SIMC1: variants seen among roughly 807,000 people sequenced by gnomAD.
The protein encoded by SIMC1 is SUMO-interacting motif-containing protein 1.
SIMC1 carries 55 observed loss-of-function variants against 82.3 expected under a neutral mutation model. The ratio of observed to expected loss-of-function variants is 0.67; its 90% CI spans 0.54 to 0.84. The LOEUF (loss-of-function observed/expected upper bound fraction) is 0.84. SIMC1 is among the 40% of genes least tolerant of loss of function. The pLI, the probability that SIMC1 is intolerant of heterozygous loss-of-function variation, is 0.00. For synonymous variants in SIMC1, 353 were observed against 426.3 expected (o/e 0.83, Z 2.12); for missense variants, 915 against 1,107.2 (o/e 0.83, Z 2.46).
At chr5:176,259,152 A>G (rs1761936907) in intron 1 of SIMC1, among the ~76,000 whole-genome samples, 1 of 152,248 alleles carries the variant, frequency 6.6e-6, no homozygotes, top group Non-Finnish European at 1.5e-5. Flanking sequence ...CATTTGAAAA[A>G]TAAATTTTTC....
At position 176,292,820 on chromosome 5, in the gene SIMC1, C is replaced by T. The variant is rs181904612; in HGVS notation, c.1431+1865C>T. On this transcript the variant is annotated intron_variant, in intron 2 of 9. Transcript: ENST00000429602. ...CCTCCCAAAGTTCTGGGATTACAGGCGTGAGCCACCGCGCCCGGCCCAGAC... is the reference window on the plus strand; with the variant it reads ...CCTCCCAAAGTTCTGGGATTACAGGTGTGAGCCACCGCGCCCGGCCCAGAC... Among the ~76,000 whole-genome samples, 561 of 152,314 alleles carry T rather than the reference C, an allele frequency of 3.7e-3. 3 individuals are homozygous for T. Among genetic ancestry groups the T allele is most frequent in the African/African-American group, 0.013 (534 of 41,576 alleles).
At chr5:176,330,852 C>T (rs1446895785) in intron 7 of SIMC1, among the ~76,000 whole-genome samples, 4 of 152,086 alleles carry the variant, frequency 2.6e-5, no homozygotes, top group Non-Finnish European at 5.9e-5. Flanking sequence ...AGTATGTTCC[C>T]ACAAGATACT....
At chr5:176,311,743 GTAGT>G (rs769445243) in intron 4 of SIMC1, among the ~76,000 whole-genome samples, 25 of 152,206 alleles carry the variant, frequency 1.6e-4, no homozygotes, top group Admixed American at 3.3e-4. Flanking sequence ...TTTACTAAAA[GTAGT>G]TAGTAAACGT....
At chr5:176,310,529 CA>C (rs905790789) in intron 4 of SIMC1, among the ~76,000 whole-genome samples, 1 of 151,808 alleles carries the variant, frequency 6.6e-6, no homozygotes, top group African/African-American at 2.4e-5. Flanking sequence ...TTATGGTGAA[CA>C]AAAAAAGCCA....
chr5:176,343,193 C>T (rs1267765787), intron 9 of SIMC1, among the ~76,000 whole-genome samples: 2 of 152,148 alleles, frequency 1.3e-5, no homozygotes, highest in Admixed American at 6.5e-5. Context: ...CCTGATAAAC[C>T]GCTTAAAATG....
Position 176,290,118 on chromosome 5 carries a change from C to T in SIMC1, c.594C>T (p.Ser198=), listed in dbSNP as rs1390288477. The change falls in exon 2 of 10, where the codon AGC becomes AGT. Residue 198 remains serine (S), a synonymous_variant. Transcript: ENST00000429602. ...TSNNSRSSSS[S]SNQKAPLPCP... The stretch of plus-strand genomic sequence containing the variant: ...ATAATAGTAGGAGCAGCAGCAGCAG[C>T]AGCAATCAAAAAGCACCCTTGCCAT... 4 of 1,604,428 alleles carry T rather than the reference C, an allele frequency of 2.5e-6. No homozygotes were observed. In the South Asian group the frequency reaches 3.3e-5, roughly 13 times the overall value.
chr5:176,336,112 G>A (rs1165113731), intron 7 of SIMC1, among the ~76,000 whole-genome samples: 1 of 151,856 alleles, frequency 6.6e-6, no homozygotes. Context: ...GAGAGAGAGA[G>A]AGAGATTAGA....
intron 1 of SIMC1, among the ~76,000 whole-genome samples, chr5:176,266,049 T>C (rs1762197809): frequency 6.6e-6 from 1 of 152,180 alleles, no homozygotes; most frequent in African/African-American, 2.4e-5. Context: ...TGAAGAGCAA[T>C]GCAGTTGGAT....
chr5:176,254,774 A>G (rs1159092815), intron 1 of SIMC1, among the ~76,000 whole-genome samples: 1 of 152,088 alleles, frequency 6.6e-6, no homozygotes, highest in Non-Finnish European at 1.5e-5. Context: ...CCTGTTATAA[A>G]GAGAGAGCAA....
chr5:176,324,542 T>A (rs1453980631), intron 6 of SIMC1, 87 bp from the exon 7 acceptor site: 2 of 1,389,668 alleles, frequency 1.4e-6, no homozygotes, highest in African/African-American at 2.9e-5. Flanking sequence ...CTACTCTCGA[T>A]GTACACTGGT....
chr5:176,308,118 T>G (rs940591635), intron 4 of SIMC1: 8 of 891,400 alleles, frequency 9.0e-6, no homozygotes, highest in African/African-American at 8.2e-5. Context: ...TCTGACACTT[T>G]CCTTGTTTGT....
chr5:176,341,071 C>G (rs767654101), intron 9 of SIMC1, among the ~76,000 whole-genome samples: 88 of 152,196 alleles, frequency 5.8e-4, no homozygotes, highest in Admixed American at 1.2e-3. Context: ...TGGTTGAACC[C>G]GGGAGGCAGA....
intron 9 of SIMC1, among the ~76,000 whole-genome samples, chr5:176,344,844 T>A (rs1766357192): frequency 6.6e-6 from 1 of 152,232 alleles, no homozygotes; most frequent in Non-Finnish European, 1.5e-5. Context: ...ATGATCATAC[T>A]CATGTTAAAT....
intron 7 of SIMC1, among the ~76,000 whole-genome samples, chr5:176,326,162 C>T (rs1435976179): frequency 6.6e-6 from 1 of 152,202 alleles, no homozygotes; most frequent in Non-Finnish European, 1.5e-5. Context: ...TTCAGTGCAT[C>T]TCCACCAGCT....
intron 1 of SIMC1, among the ~76,000 whole-genome samples, chr5:176,284,010 C>T (rs1581252233): frequency 6.6e-6 from 1 of 152,046 alleles, no homozygotes. Context: ...TACAGGAGCC[C>T]CCAGATTCAT....
intron 4 of SIMC1, among the ~76,000 whole-genome samples, chr5:176,303,888 A>G (rs965163129): frequency 6.6e-6 from 1 of 152,190 alleles, no homozygotes; most frequent in Admixed American, 6.5e-5. Context: ...GACTCTGAAC[A>G]TATAAAAATT....
chr5:176,299,986 C>T (rs577838427), intron 4 of SIMC1, among the ~76,000 whole-genome samples: 8 of 152,032 alleles, frequency 5.3e-5, no homozygotes, highest in Non-Finnish European at 1.2e-4. Flanking sequence ...TCTGGAAAAC[C>T]CACAAATATG....
Position 176,336,835 on chromosome 5 carries a change from C to T in SIMC1, c.2287C>T (p.Leu763Phe), listed in dbSNP as rs756052287. 2.5e-6 allele frequency: 4 copies of T among 1,613,994 alleles called. No homozygotes were observed. The Admixed American group carries it at 5.0e-5, about 20-fold the overall frequency. ...TRLPLSLAQA[L>F]YFLNNSTSLL... ...CCTGCCTCTGTCTCTGGCCCAGGCC[C>T]TCTACTTTCTGAATAATTCTACGTC... Residue 763 changes from leucine (L) to phenylalanine (F), a missense_variant, in exon 8 of 10, where the codon CTC becomes TTC. By Grantham distance (22) the Leu-to-Phe change is conservative (BLOSUM62 0). Around this residue, in one of 2 missense-constraint regions of SIMC1, gnomAD observed 902 missense variants for 1,040.3 expected, o/e 0.87. Coordinates refer to ENST00000429602, the MANE Select transcript of SIMC1 (RefSeq NM_001308195.2).
intron 2 of SIMC1, among the ~76,000 whole-genome samples, chr5:176,292,553 T>C (rs1219894341): frequency 6.6e-6 from 1 of 152,204 alleles, no homozygotes; most frequent in Non-Finnish European, 1.5e-5. Flanking sequence ...TCATTCTTTT[T>C]TTTTTGGGAC....
Sources: allele counts gnomAD v4.1 joint callset (sites outside exome capture counted in the v4.1 genomes callset), GRCh38; gene constraint gnomAD v4.1.1; regional missense constraint gnomAD v4.1.1; transcripts MANE v1.5; gene names NCBI Gene and HGNC (gene_info 2026-07-23, HGNC 2026-07-21).